The following ZNF276 variants were observed in gnomAD, a reference collection of about 807,000 sequenced individuals.
The protein encoded by ZNF276 is zinc finger protein 276.
A neutral mutation model predicts 63.9 loss-of-function variants in ZNF276; 59 were observed. That is an observed-to-expected ratio of 0.92 (90% confidence interval 0.75 to 1.15). The LOEUF (loss-of-function observed/expected upper bound fraction) is 1.15. Among genes scored for constraint, ZNF276 ranks in the 50% most tolerant of loss-of-function variants. The probability of loss-of-function intolerance (pLI) is 0.00; values close to 1 mark genes in which losing one functional copy is unlikely to be tolerated. For missense variants in ZNF276, 1,084 were observed against 843.8 expected, an observed-to-expected ratio of 1.28 and a Z score of -3.53; for synonymous variants, 496 against 348.4, an observed-to-expected ratio of 1.42 and a Z score of -4.72.
chr16:89,729,929 A>C (rs1026422248), intron 6 of ZNF276, among the ~76,000 whole-genome samples: 3 of 152,128 alleles, frequency 2.0e-5, no homozygotes, highest in African/African-American at 7.2e-5. Context: ...TTTTCTTTGC[A>C]GCCCTATACC....
At position 89,739,906 on chromosome 16, in the gene ZNF276, C is replaced by G. The variant is rs757133727; in HGVS notation, c.*1660C>G. The G allele has an allele frequency of 6.3e-7, 1 of 1,587,778 alleles. No individual in the cohort carries two copies. The highest frequency in any genetic ancestry group is 8.6e-7 in the Non-Finnish European group (1 of 1,164,484). The stretch of plus-strand genomic sequence containing the variant: ...CTTATAAACTTACTTAGCAAGGAAC[C>G]TCAAGGAGGGCTCGTTCTTAACCAT... On this transcript the variant is annotated 3_prime_UTR_variant, in exon 11 of 11. Transcript: ENST00000443381.
chr16:89,725,371 G>A (rs1439223451), intron 4 of ZNF276, among the ~76,000 whole-genome samples: 1 of 151,566 alleles, frequency 6.6e-6, no homozygotes, highest in Non-Finnish European at 1.5e-5. Flanking sequence ...TAGTAGAGAT[G>A]GGGTTTCACC....
chr16:89,730,754 G>A (rs1011791518), intron 6 of ZNF276, among the ~76,000 whole-genome samples: 2 of 152,162 alleles, frequency 1.3e-5, no homozygotes, highest in Admixed American at 6.5e-5. Flanking sequence ...AGCTGCCACC[G>A]TGAGACCCCC....
chr16:89,729,423 T>C, intron 6 of ZNF276, 105 bp downstream of exon 6: 1 of 1,015,046 alleles, frequency 9.9e-7, no homozygotes, highest in East Asian at 2.4e-5. Flanking sequence ...CACTCTCTCG[T>C]GTGCGGATCT....
rs1382210999 is a variant in ZNF276 at position 89,734,054 on chromosome 16, G to T, written c.1474+16G>T. 1 of 1,611,330 alleles carries T rather than the reference G, an allele frequency of 6.2e-7. No individual in the cohort carries two copies. The highest frequency in any genetic ancestry group is 1.3e-5 in the African/African-American group (1 of 75,022). ...ATCCACACAGGTACGCCTATCGCCA[G>T]TGTCGCCCACGCGGGTGACAGCCAG... On this transcript the variant is annotated intron_variant, in intron 9 of 10. Transcript: ENST00000443381.
rs765833621 is a variant in ZNF276, at chr16:89,723,419, A to G, written c.716A>G (p.Asp239Gly). The G allele has an allele frequency of 2.5e-6, 4 of 1,612,878 alleles. No homozygotes were observed. In the East Asian group the frequency reaches 8.9e-5, roughly 36 times the overall value. ...GTGTGGGGCTGCGACCAGGGCCACG[A>G]CTACACCATGGATACCAGCTCCAGC... ...QVVWGCDQGH[D>G]YTMDTSSSCK... The change falls in exon 4 of 11, where the codon GAC becomes GGC. Residue 239 changes from aspartate (D) to glycine (G), a missense_variant. By Grantham distance (94) the Asp-to-Gly change is moderately conservative. Transcript: ENST00000443381.
rs868256204 is a variant in ZNF276, at chr16:89,735,911, G to T, written c.1474+1873G>T. Among the ~76,000 whole-genome samples the T allele has an allele frequency of 4.3e-3, 456 of 105,906 alleles. 1 individual carries two copies. The highest frequency in any genetic ancestry group is 9.9e-3 in the African/African-American group (330 of 33,376). The allele number at this position is 105,906 out of a possible 152,430, so 69.5% of individuals were successfully genotyped here. Reference sequence around the variant, plus strand: ...TTTTTGTTTGTTTGTTTGTTTTTTTGACTGAGTCTTGCTCTTGTCGCCCAG... The same window carrying T: ...TTTTTGTTTGTTTGTTTGTTTTTTTTACTGAGTCTTGCTCTTGTCGCCCAG... On this transcript the variant is annotated intron_variant, in intron 9 of 10. Coordinates refer to ENST00000443381, the MANE Select transcript of ZNF276 (RefSeq NM_001113525.2).
Position 89,739,058 on chromosome 16 carries a change from C to A in ZNF276, c.*812C>A. 1 of 1,613,942 alleles carries A rather than the reference C, an allele frequency of 6.2e-7. No individual in the cohort carries two copies. The highest frequency in any genetic ancestry group is 1.1e-5 in the South Asian group (1 of 91,022). ...GTCCCCCATAGTCTGCATGCTGTGC[C>A]GGAACATTCTTTGGCAGAAGGAGCC... On this transcript the variant is annotated 3_prime_UTR_variant, in exon 11 of 11. Coordinates refer to ENST00000443381, the MANE Select transcript of ZNF276 (RefSeq NM_001113525.2).
Position 89,733,521 on chromosome 16 carries a change from C to G in ZNF276, c.1320C>G (p.Gly440=). 5 of 1,614,168 alleles carry G rather than the reference C, an allele frequency of 3.1e-6. No homozygotes were observed. The highest frequency in any genetic ancestry group is 4.2e-6 in the Non-Finnish European group (5 of 1,180,048). The stretch of plus-strand genomic sequence containing the variant: ...CCATCTACAAGTGTCCTTACCAGGG[C>G]TGCACGGCCGTGTACCGAGGCGCTG... ...LPTIYKCPYQ[G]CTAVYRGADG... The change falls in exon 8 of 11, where the codon GGC becomes GGG. Residue 440 remains glycine (G), a synonymous_variant. Coordinates refer to ENST00000443381, the MANE Select transcript of ZNF276 (RefSeq NM_001113525.2).
At position 89,739,956 on chromosome 16, in the gene ZNF276, G is replaced by A. The variant is rs569043377; in HGVS notation, c.*1710G>A. On this transcript the variant is annotated 3_prime_UTR_variant, in exon 11 of 11. Coordinates refer to ENST00000443381, the MANE Select transcript of ZNF276 (RefSeq NM_001113525.2). ...TTTGCAAGATGCCTCTGAAAAGAGC[G>A]GCCCTCCGCATTTGTGCCTCAGCAG... is the stretch of plus-strand genomic sequence containing the variant. The A allele has an allele frequency of 2.5e-5, 40 of 1,611,520 alleles. No individual in the cohort carries two copies. Among genetic ancestry groups the A allele is most frequent in the Admixed American group, 6.7e-5 (4 of 59,940 alleles).
intron 4 of ZNF276, 50 bp from the exon 5 acceptor site, chr16:89,727,229 C>T (rs757569523): frequency 2.3e-5 from 36 of 1,577,506 alleles, no homozygotes; most frequent in Non-Finnish European, 2.8e-5. Context: ...GCAGGTGAGA[C>T]CTTTCTGTGC....
chr16:89,723,401 G>A lies in ZNF276; in HGVS notation c.698G>A (p.Gly233Asp). Residue 233 changes from glycine to aspartate, a missense_variant, in exon 4 of 11, where the codon GGC (glycine) becomes GAC (aspartate). By Grantham distance (94) the Gly-to-Asp change is moderately conservative (BLOSUM62 -1). Transcript: ENST00000443381. ...EYCGVIQVVW[G>D]CDQGHDYTMD... ...TGCGGCGTCATCCAGGTCGTGTGGG[G>A]CTGCGACCAGGGCCACGACTACACC... The A allele has an allele frequency of 6.2e-7, 1 of 1,613,040 alleles. No homozygotes were observed. Among genetic ancestry groups the A allele is most frequent in the Non-Finnish European group, 8.5e-7 (1 of 1,180,032 alleles).
In ZNF276 at chr16:89,723,587, T is replaced by A; in HGVS notation, c.884T>A (p.Val295Asp). 6.2e-7 allele frequency: 1 copy of A among 1,612,804 alleles called. No homozygotes were observed. Among genetic ancestry groups the A allele is most frequent in the Non-Finnish European group, 8.5e-7 (1 of 1,180,012 alleles). The change falls in exon 4 of 11, where the codon GTT becomes GAT. Residue 295 changes from valine to aspartate, a missense_variant. Transcript: ENST00000443381. ...TSQGRGTGTP[V>D]GAETKTLPST... is the part of the protein sequence containing the mutation. ...CAGGGTAGAGGGACAGGGACCCCAG[T>A]TGGGGCTGAGACCAAGACCCTGCCC... is the stretch of plus-strand genomic sequence containing the variant.
chr16:89,740,329 CA>C lies in ZNF276; in HGVS notation c.*2086del. ...CACCAAGGCTGCTGCACCACGTCCT[CA>C]AATAAGACATTAAAAGAAAGGCCCA... On this transcript the variant is annotated 3_prime_UTR_variant, in exon 11 of 11. Transcript: ENST00000443381. The C allele has an allele frequency of 3.5e-6, 2 of 564,310 alleles. No homozygotes were observed. The highest frequency in any genetic ancestry group is 6.3e-6 in the Non-Finnish European group (2 of 315,224). The allele number at this position is 564,310 out of a possible 1,614,324, so 35.0% of individuals were successfully genotyped here.
At chr16:89,729,677 C>T (rs1024927722) in intron 6 of ZNF276, among the ~76,000 whole-genome samples, 11 of 152,128 alleles carry the variant, frequency 7.2e-5, no homozygotes, top group African/African-American at 2.7e-4. Flanking sequence ...CCCCAGTGTA[C>T]CCCCGAAGCC....
chr16:89,736,858 T>C (rs1422175795), intron 9 of ZNF276, among the ~76,000 whole-genome samples: 1 of 147,666 alleles, frequency 6.8e-6, no homozygotes, highest in Non-Finnish European at 1.5e-5. Context: ...TGAGCTGAGA[T>C]TGGGCTGTTG....
chr16:89,738,364 G>A lies in ZNF276; in HGVS notation c.*118G>A. The A allele has an allele frequency of 6.9e-7, 1 of 1,455,620 alleles. No homozygotes were observed. The highest frequency in any genetic ancestry group is 1.3e-5 in the South Asian group (1 of 74,566). 90.2% of individuals were successfully genotyped at this position (1,455,620 alleles called of 1,614,324 possible). A position where few individuals can be genotyped will look rare whatever the true frequency, so the allele number is the denominator to read the frequency against. ...GAGGGTGCTGCCCGCCCTTGGTGCT[G>A]GAGGCGGGCTTGGTGTCCGGCTCAA... On this transcript the variant is annotated 3_prime_UTR_variant, in exon 11 of 11. Transcript: ENST00000443381.
rs1318207210 is a variant in ZNF276, at chr16:89,722,700, C to G, written c.375C>G (p.Val125=). The change falls in exon 2 of 11, where the codon GTC becomes GTG. Residue 125 remains valine (V), a synonymous_variant. Transcript: ENST00000443381. Reference sequence around the variant, plus strand: ...TCCAGCGCCTGCTTGGTGTGGCTGTCCGCCAGGACCCCACCTTGTCTCCGT... The same window carrying G: ...TCCAGCGCCTGCTTGGTGTGGCTGTGCGCCAGGACCCCACCTTGTCTCCGT... ...RDFQRLLGVA[V]RQDPTLSPFV... 1 of 1,612,368 alleles carries G rather than the reference C, an allele frequency of 6.2e-7. No homozygotes were observed. Among genetic ancestry groups the G allele is most frequent in the East Asian group, 2.2e-5 (1 of 44,884 alleles).
At chr16:89,727,611 GCTT>G (rs1303409977) in intron 5 of ZNF276, among the ~76,000 whole-genome samples, 1 of 152,162 alleles carries the variant, frequency 6.6e-6, no homozygotes, top group African/African-American at 2.4e-5. Flanking sequence ...AGCTTCCGAG[GCTT>G]CTTGTCTCTG....
Sources: gnomAD v4.1 joint callset for allele counts (sites outside exome capture counted in the v4.1 genomes callset) on GRCh38, gnomAD v4.1.1 for gene constraint, MANE v1.5 for transcripts, NCBI Gene and HGNC (gene_info 2026-07-23, HGNC 2026-07-21) for gene names.